Variants in FAT3 observed in about 807,000 individuals in gnomAD.
FAT3 encodes the protein FAT atypical cadherin 3, also known as protocadherin Fat 3.
A neutral mutation model predicts 310.2 loss-of-function variants in FAT3; 95 were observed. The ratio of observed to expected loss-of-function variants is 0.31; its 90% confidence interval spans 0.26 to 0.36. The LOEUF is 0.36. FAT3 is among the 10% of genes least tolerant of loss of function. FAT3 has a pLI of 1.00. For synonymous variants in FAT3, 2,314 were observed against 2,192.9 expected, an observed-to-expected ratio of 1.06 and a Z score of -1.54; for missense variants, 5,408 against 5,715.6, an observed-to-expected ratio of 0.95 and a Z score of 1.74.
intron 2 of FAT3, chr11:92,367,279 TG>T: frequency 4.2e-6 from 1 of 236,148 alleles, no homozygotes; most frequent in Non-Finnish European, 8.6e-6. Flanking sequence ...TGGTGCCAAC[TG>T]GTACAGATGA....
chr11:92,776,427 C>T (rs1159865670), intron 7 of FAT3, among the ~76,000 whole-genome samples: 1 of 152,096 alleles, frequency 6.6e-6, no homozygotes, highest in Admixed American at 6.5e-5. Context: ...GCGTTTGTTC[C>T]ACAAATATCT....
At chr11:92,616,665 A>G (rs564162573) in intron 3 of FAT3, among the ~76,000 whole-genome samples, 1 of 152,290 alleles carries the variant, frequency 6.6e-6, no homozygotes, top group South Asian at 2.1e-4. Context: ...CTTGTAAGGC[A>G]GGCCTGGTGG....
chr11:92,679,339 A>G (rs1165655432), intron 3 of FAT3, among the ~76,000 whole-genome samples: 3 of 151,974 alleles, frequency 2.0e-5, no homozygotes, highest in African/African-American at 7.2e-5. Flanking sequence ...GCTAGATCAA[A>G]TAGTAGTTCT....
At chr11:92,551,193 G>A (rs1469563983) in intron 3 of FAT3, among the ~76,000 whole-genome samples, 1 of 151,950 alleles carries the variant, frequency 6.6e-6, no homozygotes, top group African/African-American at 2.4e-5. Context: ...GCAGGTATCT[G>A]GATCCTGTCT....
intron 4 of FAT3, among the ~76,000 whole-genome samples, chr11:92,735,473 A>G (rs775727876): frequency 2.6e-4 from 40 of 152,086 alleles, no homozygotes; most frequent in Non-Finnish European, 5.4e-4. Flanking sequence ...ATACTAAATT[A>G]TTTGTTCATT....
chr11:92,271,875 T>C (rs1394903323), intron 1 of FAT3, among the ~76,000 whole-genome samples: 1 of 152,174 alleles, frequency 6.6e-6, no homozygotes, highest in African/African-American at 2.4e-5. Context: ...GGATTTACTT[T>C]ATGTTGCAAA....
rs768666174 is a variant in FAT3, at chr11:92,890,903, C to T, written c.13560C>T (p.Ser4520=). 2.5e-6 allele frequency: 4 copies of T among 1,614,034 alleles called. No individual in the cohort carries two copies. The South Asian group carries it at 4.4e-5, about 18-fold the overall frequency. The change falls in exon 28 of 28, where the codon AGC becomes AGT. Residue 4520 remains serine, a synonymous_variant. Transcript: ENST00000525166. The part of the protein sequence containing the change: ...ASCEFSTFAV[S]MNQGTEPTGP... ...GTGAATTTAGTACTTTTGCTGTGAG[C>T]ATGAACCAGGGCACAGAGCCCACAG... is the stretch of plus-strand genomic sequence containing the variant.
Position 92,840,745 on chromosome 11 carries a change from G to T in FAT3, c.10552G>T (p.Val3518Leu), listed in dbSNP as rs10765565. The T allele has an allele frequency of 0.38, 608,612 of 1,585,810 alleles. 120,063 individuals carry two copies. Among genetic ancestry groups the T allele is most frequent in the South Asian group, 0.51 (45,572 of 89,234 alleles). Residue 3518 changes from valine to leucine, a missense_variant, in exon 18 of 28, where the codon GTG (valine) becomes TTG (leucine). Around this residue, in one of 5 missense-constraint regions of FAT3, gnomAD observed 4,588 missense variants for 4,809.8 expected, o/e 0.95. Coordinates refer to ENST00000525166, the MANE Select transcript of FAT3 (RefSeq NM_001367949.2). ...VFQHTESLEY[V>L]LCVQAKDSGK... is the part of the protein sequence containing the mutation. ...CCAGCACACAGAGTCTCTGGAATAC[G>T]TGTTGTGTGTCCAGGTATGGCATCG...
intron 3 of FAT3, among the ~76,000 whole-genome samples, chr11:92,591,994 C>T (rs934280536): frequency 2.0e-5 from 3 of 151,938 alleles, no homozygotes; most frequent in African/African-American, 4.8e-5. Flanking sequence ...CTGTATAACA[C>T]GAAGAATGAA....
At chr11:92,435,313 A>C (rs1377794039) in intron 2 of FAT3, among the ~76,000 whole-genome samples, 1 of 152,200 alleles carries the variant, frequency 6.6e-6, no homozygotes, top group South Asian at 2.1e-4. Context: ...TGCATTTACC[A>C]TACAGGCTTT....
At chr11:92,561,680 C>CA (rs1391158073) in intron 3 of FAT3, among the ~76,000 whole-genome samples, 3 of 152,094 alleles carry the variant, frequency 2.0e-5, no homozygotes, top group African/African-American at 4.8e-5. Flanking sequence ...GGCTGGAGTG[C>CA]AGTGGCACAA....
In FAT3 at chr11:92,488,649, C is replaced by A. The variant is rs532466164; in HGVS notation, c.3293-35985C>A. On this transcript the variant is annotated intron_variant, in intron 2 of 27. Transcript: ENST00000525166. Reference sequence around the variant, plus strand: ...ATACTTTCAAGTTTCCCTCCTCTGCCTAGAACCATCCCCCAGGCTCCTTTT... The same window carrying A: ...ATACTTTCAAGTTTCCCTCCTCTGCATAGAACCATCCCCCAGGCTCCTTTT... Among the ~76,000 whole-genome samples the A allele has an allele frequency of 2.6e-4, 39 of 152,114 alleles. 1 individual carries two copies. The South Asian group carries it at 7.7e-3, about 30-fold the overall frequency.
intron 1 of FAT3, among the ~76,000 whole-genome samples, chr11:92,303,971 T>C (rs1411593528): frequency 3.3e-5 from 5 of 152,138 alleles, no homozygotes; most frequent in Non-Finnish European, 5.9e-5. Context: ...TGATGGCCCA[T>C]GAGATTTGAC....
At position 92,427,478 on chromosome 11, in the gene FAT3, C is replaced by A. The variant is rs191460822; in HGVS notation, c.3292+72074C>A. Among the ~76,000 whole-genome samples, 370 of 152,218 alleles carry A rather than the reference C, an allele frequency of 2.4e-3. 2 individuals are homozygous for A. The highest frequency in any genetic ancestry group is 0.012 in the Admixed American group (186 of 15,272). ...CAAAGGGAATGCTTCCAGCTTTCGC[C>A]CATTCAGTATGATATTGGCTGTGGA... On this transcript the variant is annotated intron_variant, in intron 2 of 27. Transcript: ENST00000525166.
chr11:92,527,526 G>A (rs1426908403), intron 3 of FAT3, among the ~76,000 whole-genome samples: 1 of 152,168 alleles, frequency 6.6e-6, no homozygotes, highest in Non-Finnish European at 1.5e-5. Flanking sequence ...AAGTCTGAAT[G>A]TCATCATGAT....
At chr11:92,718,294 C>T (rs901666205) in intron 4 of FAT3, among the ~76,000 whole-genome samples, 7 of 152,076 alleles carry the variant, frequency 4.6e-5, no homozygotes, top group Non-Finnish European at 8.8e-5. Flanking sequence ...CTGGGGAGAA[C>T]AGGGTGGGCT....
intron 3 of FAT3, among the ~76,000 whole-genome samples, chr11:92,623,884 G>C (rs967954823): frequency 6.6e-6 from 1 of 152,008 alleles, no homozygotes; most frequent in Non-Finnish European, 1.5e-5. Flanking sequence ...CAGAGCTTGC[G>C]GTGAGCTGAG....
chr11:92,372,366 G>A (rs1949211144), intron 2 of FAT3, among the ~76,000 whole-genome samples: 1 of 151,864 alleles, frequency 6.6e-6, no homozygotes. Context: ...GTTGGCCTGA[G>A]CAGATCTCGG....
At chr11:92,509,034 C>G (rs1392403866) in intron 2 of FAT3, among the ~76,000 whole-genome samples, 1 of 152,146 alleles carries the variant, frequency 6.6e-6, no homozygotes, top group Non-Finnish European at 1.5e-5. Context: ...ATCTTTCTAT[C>G]AACATCAACA....
Sources: gnomAD v4.1 joint callset for allele counts (sites outside exome capture counted in the v4.1 genomes callset) on GRCh38, gnomAD v4.1.1 for gene constraint, gnomAD v4.1.1 regional missense constraint, MANE v1.5 for transcripts, NCBI Gene and HGNC (gene_info 2026-07-23, HGNC 2026-07-21) for gene names.